ACAD10: variants seen among roughly 807,000 people sequenced by gnomAD.
ACAD10 encodes the protein ACAD-10.
ACAD10 carries 112 observed loss-of-function variants against 116.8 expected under a neutral mutation model. The ratio of observed to expected loss-of-function variants is 0.96; its 90% confidence interval spans 0.82 to 1.12. The LOEUF is 1.12. Ranked by LOEUF, ACAD10 falls within the 50% of genes most tolerant of loss-of-function variation. ACAD10 has a pLI of 0.00. For synonymous variants in ACAD10, 486 were observed against 510.6 expected (o/e 0.95, Z 0.65); for missense variants, 1,259 against 1,350.2 (o/e 0.93, Z 1.06).
intron 8 of ACAD10, among the ~76,000 whole-genome samples, chr12:111,723,025 C>T (rs1371415666): frequency 6.8e-6 from 1 of 147,756 alleles, no homozygotes; most frequent in Non-Finnish European, 1.5e-5. Flanking sequence ...CTGACCCCCC[C>T]CCACCTCCCT....
At chr12:111,745,146 G>A (rs1439990352) in intron 13 of ACAD10, 103 bp downstream of exon 13, 2 of 1,270,956 alleles carry the variant, frequency 1.6e-6, no homozygotes, top group African/African-American at 1.5e-5. Flanking sequence ...AGATACAGGA[G>A]CTCCGAGTTG....
chr12:111,727,247 G>A (rs1263688424), intron 8 of ACAD10, among the ~76,000 whole-genome samples: 3 of 145,386 alleles, frequency 2.1e-5, no homozygotes, highest in South Asian at 2.2e-4. Flanking sequence ...TAAATAGGCC[G>A]GGAGCAGTGG....
In ACAD10 at chr12:111,715,906, G is replaced by A. The variant is rs758953776; in HGVS notation, c.936G>A (p.Arg312=). The A allele has an allele frequency of 1.2e-6, 2 of 1,614,108 alleles. No individual in the cohort carries two copies. Among genetic ancestry groups the A allele is most frequent in the Non-Finnish European group, 1.7e-6 (2 of 1,180,010 alleles). The change falls in exon 7 of 21, where the codon AGG becomes AGA. Residue 312 remains arginine (R), a synonymous_variant. Transcript: ENST00000313698. The stretch of plus-strand genomic sequence containing the variant: ...TGGCTAATCGTGATCTAGTTCTGAG[G>A]AAGAAGCCCCCAGGGACACTCCTTC... The part of the protein sequence containing the change: ...IRLANRDLVL[R]KKPPGTLLPS...
chr12:111,728,180 C>G, intron 9 of ACAD10, 37 bp downstream of exon 9: 1 of 1,553,422 alleles, frequency 6.4e-7, no homozygotes, highest in Non-Finnish European at 8.7e-7. Context: ...CTGGTTGTTT[C>G]ATCACTAGTG....
intron 2 of ACAD10, among the ~76,000 whole-genome samples, chr12:111,699,997 G>A (rs1284188675): frequency 6.6e-6 from 1 of 152,080 alleles, no homozygotes; most frequent in Non-Finnish European, 1.5e-5. Flanking sequence ...TACCATTGCA[G>A]CAAGAAAGCA....
intron 10 of ACAD10, 34 bp from the exon 11 acceptor site, chr12:111,733,889 T>C (rs772770035): frequency 6.2e-7 from 1 of 1,613,492 alleles, no homozygotes; most frequent in Non-Finnish European, 8.5e-7. Flanking sequence ...GCAGTTTTCT[T>C]AGTGCTGTCT....
At chr12:111,754,931 C>T (rs775417399) in intron 19 of ACAD10, among the ~76,000 whole-genome samples, 14 of 152,212 alleles carry the variant, frequency 9.2e-5, no homozygotes, top group African/African-American at 2.4e-4. Flanking sequence ...GCCAACATGG[C>T]GCCCTTCATC....
In ACAD10 at chr12:111,736,886, C is replaced by T. The variant is rs368070693; in HGVS notation, c.1596C>T (p.Phe532=). ...QLGIPAAEEY[F]RMYCLQMGLP... ...GAATCCCTGCTGCAGAGGAGTATTT[C>T]AGGATGTACTGTCTCCAAATGGGGC... Residue 532 remains phenylalanine (F), a synonymous_variant, in exon 12 of 21, where the codon TTC becomes TTT. Transcript: ENST00000313698. 5.2e-5 allele frequency: 84 copies of T among 1,614,046 alleles called. No homozygotes were observed. The highest frequency in any genetic ancestry group is 6.6e-5 in the Non-Finnish European group (78 of 1,180,032).
chr12:111,727,180 C>G (rs950765023), intron 8 of ACAD10, among the ~76,000 whole-genome samples: 5 of 152,052 alleles, frequency 3.3e-5, no homozygotes, highest in African/African-American at 7.2e-5. Flanking sequence ...AAGCCAAGAT[C>G]GCGCCACTGC....
intron 18 of ACAD10, chr12:111,749,747 A>T: frequency 6.3e-6 from 1 of 159,124 alleles, no homozygotes; most frequent in Non-Finnish European, 1.4e-5. Context: ...GGCGAAAAAG[A>T]GAGACTCAGT....
At chr12:111,756,163 G>A in intron 20 of ACAD10, 170 bp from the exon 21 acceptor site, 1 of 1,427,144 alleles carries the variant, frequency 7.0e-7, no homozygotes, top group Non-Finnish European at 9.1e-7. Context: ...GGGATGGCAG[G>A]TGTGGCCCCA....
intron 10 of ACAD10, among the ~76,000 whole-genome samples, chr12:111,733,626 G>T (rs2135978478): frequency 6.6e-6 from 1 of 152,160 alleles, no homozygotes; most frequent in East Asian, 1.9e-4. Context: ...CCATCACAGG[G>T]AGGGAGTAAT....
Position 111,747,139 on chromosome 12 carries a change from C to T in ACAD10, c.2347C>T (p.Leu783=), listed in dbSNP as rs1889931140. ...GCAGAAGGCTCGCTGGCTGATTCCT[C>T]TGCTGGAGGGGAAAGCCCGCTCCTG... The part of the protein sequence containing the change: ...EAQKARWLIP[L]LEGKARSCFA... The change falls in exon 15 of 21, where the codon CTG becomes TTG. Residue 783 remains leucine (L), a synonymous_variant. Coordinates refer to ENST00000313698, the MANE Select transcript of ACAD10 (RefSeq NM_025247.6). The T allele has an allele frequency of 1.2e-6, 2 of 1,613,208 alleles. No individual in the cohort carries two copies. The highest frequency in any genetic ancestry group is 1.3e-5 in the African/African-American group (1 of 74,922).
chr12:111,690,278 T>A (rs1325487201), intron 1 of ACAD10, among the ~76,000 whole-genome samples: 1 of 152,084 alleles, frequency 6.6e-6, no homozygotes, highest in Non-Finnish European at 1.5e-5. Flanking sequence ...TGAAATTCAC[T>A]TATATATATA....
chr12:111,720,115 C>T (rs1038941008), intron 7 of ACAD10, among the ~76,000 whole-genome samples: 6 of 152,192 alleles, frequency 3.9e-5, no homozygotes, highest in Non-Finnish European at 8.8e-5. Context: ...CCGCCCGCCT[C>T]GGCCTCCCAA....
At chr12:111,719,010 C>T (rs1482873492) in intron 7 of ACAD10, among the ~76,000 whole-genome samples, 3 of 151,754 alleles carry the variant, frequency 2.0e-5, no homozygotes, top group Admixed American at 2.0e-4. Flanking sequence ...GAGGCTGAGG[C>T]AGGAGAATCT....
intron 2 of ACAD10, among the ~76,000 whole-genome samples, chr12:111,699,917 T>TA (rs1281134989): frequency 4.7e-5 from 7 of 147,662 alleles, no homozygotes; most frequent in Non-Finnish European, 1.0e-4. Flanking sequence ...GACCCCATCT[T>TA]AAAAAACAAA....
chr12:111,702,614 C>G (rs1423072751), intron 3 of ACAD10, among the ~76,000 whole-genome samples: 2 of 151,952 alleles, frequency 1.3e-5, no homozygotes, highest in African/African-American at 2.4e-5. Flanking sequence ...ATCTGTAATC[C>G]CAGCTATTTG....
intron 8 of ACAD10, among the ~76,000 whole-genome samples, chr12:111,725,653 G>GCCT (rs1277621050): frequency 1.3e-5 from 2 of 151,876 alleles, no homozygotes; most frequent in South Asian, 2.1e-4. Flanking sequence ...TCCTGCCTTA[G>GCCT]CCTCCCAAGT....
Sources: gnomAD v4.1 joint callset for allele counts (sites outside exome capture counted in the v4.1 genomes callset) on GRCh38, gnomAD v4.1.1 for gene constraint, MANE v1.5 for transcripts, NCBI Gene and HGNC (gene_info 2026-07-23, HGNC 2026-07-21) for gene names.